The following GTF2F2 variants were observed in gnomAD, a reference collection of about 807,000 sequenced individuals.
GTF2F2 encodes ATP-dependent helicase GTF2F2.
In GTF2F2, 23 loss-of-function variants were observed where a neutral mutation model predicts 42.2. The ratio of observed to expected loss-of-function variants is 0.55; its 90% CI spans 0.39 to 0.77. The LOEUF (loss-of-function observed/expected upper bound fraction) is 0.77. Among genes scored for constraint, GTF2F2 ranks in the 30% least tolerant of loss-of-function variants. The pLI is 0.00. For missense variants in GTF2F2, 261 were observed against 287.2 expected (o/e 0.91, Z 0.66); for synonymous variants, 105 against 100.8 (o/e 1.04, Z -0.25).
chr13:45,127,032 A>G (rs1869043840), intron 1 of GTF2F2, among the ~76,000 whole-genome samples: 1 of 152,174 alleles, frequency 6.6e-6, no homozygotes, highest in African/African-American at 2.4e-5. Context: ...GGAGCCTTGA[A>G]ACCATATATA....
chr13:45,153,735 T>G (rs1870613925), intron 4 of GTF2F2, among the ~76,000 whole-genome samples: 1 of 151,990 alleles, frequency 6.6e-6, no homozygotes, highest in African/African-American at 2.4e-5. Context: ...CCCAGCACTT[T>G]GGGAGGCCAA....
At chr13:45,254,065 G>A (rs1875988695) in intron 6 of GTF2F2, among the ~76,000 whole-genome samples, 4 of 136,870 alleles carry the variant, frequency 2.9e-5, no homozygotes, top group Admixed American at 2.3e-4. Flanking sequence ...GCGAGACTCC[G>A]TCTCAAAAAA....
chr13:45,270,145 A>G (rs199504100), intron 7 of GTF2F2, among the ~76,000 whole-genome samples: 1 of 152,112 alleles, frequency 6.6e-6, no homozygotes, highest in Admixed American at 6.6e-5. Flanking sequence ...CTTCATTTCT[A>G]TAAGTAAAAT....
intron 1 of GTF2F2, among the ~76,000 whole-genome samples, chr13:45,125,865 A>G (rs935879187): frequency 6.6e-6 from 1 of 152,208 alleles, no homozygotes; most frequent in African/African-American, 2.4e-5. Context: ...AAGATTGGGT[A>G]GAGCATGTAA....
At chr13:45,203,482 C>G (rs1873296262) in intron 4 of GTF2F2, among the ~76,000 whole-genome samples, 1 of 152,144 alleles carries the variant, frequency 6.6e-6, no homozygotes, top group Admixed American at 6.5e-5. Context: ...TTCTAGACTC[C>G]TGTGCTTCCC....
At chr13:45,212,892 C>T (rs924166831) in intron 5 of GTF2F2, among the ~76,000 whole-genome samples, 1 of 151,976 alleles carries the variant, frequency 6.6e-6, no homozygotes, top group Non-Finnish European at 1.5e-5. Flanking sequence ...CAGGCATGTG[C>T]CACCACGCCT....
intron 1 of GTF2F2, 60 bp from the exon 2 acceptor site, chr13:45,136,673 T>G: frequency 1.1e-6 from 1 of 881,270 alleles, no homozygotes. Flanking sequence ...ATATATCATT[T>G]TATGTTTGAA....
chr13:45,175,497 G>A (rs1456157585), intron 4 of GTF2F2, among the ~76,000 whole-genome samples: 1 of 152,026 alleles, frequency 6.6e-6, no homozygotes, highest in Non-Finnish European at 1.5e-5. Context: ...CTGTTTTTTA[G>A]TGTTCTTTTT....
intron 7 of GTF2F2, among the ~76,000 whole-genome samples, chr13:45,273,655 A>ATTTTTTTTTTTTTTTTTTTTT (rs773254844): frequency 4.0e-5 from 5 of 123,862 alleles, no homozygotes; most frequent in Non-Finnish European, 4.9e-5. Flanking sequence ...GAGTGGTAAA[A>ATTTTTTTTTTTTTTTTTTTTT]TTTTTTTTTT....
At chr13:45,186,684 C>A (rs1052100629) in intron 4 of GTF2F2, among the ~76,000 whole-genome samples, 1 of 152,130 alleles carries the variant, frequency 6.6e-6, no homozygotes, top group Non-Finnish European at 1.5e-5. Flanking sequence ...TGGTCTAATT[C>A]TTTGTAAAAT....
At chr13:45,216,357 T>G (rs1010475656) in intron 5 of GTF2F2, among the ~76,000 whole-genome samples, 1 of 152,192 alleles carries the variant, frequency 6.6e-6, no homozygotes, top group African/African-American at 2.4e-5. Context: ...TAGCTAAGTG[T>G]TGTCTCACCC....
At chr13:45,172,237 G>T (rs1871633850) in intron 4 of GTF2F2, among the ~76,000 whole-genome samples, 1 of 152,130 alleles carries the variant, frequency 6.6e-6, no homozygotes, top group Non-Finnish European at 1.5e-5. Context: ...ATTTCATTGT[G>T]ATTTTCATTT....
At chr13:45,233,152 C>T (rs916831746) in intron 5 of GTF2F2, among the ~76,000 whole-genome samples, 1 of 152,200 alleles carries the variant, frequency 6.6e-6, no homozygotes, top group Admixed American at 6.5e-5. Flanking sequence ...CTGGGGATGC[C>T]GAGGCTTGAG....
At chr13:45,217,274 G>C (rs1270676519) in intron 5 of GTF2F2, among the ~76,000 whole-genome samples, 1 of 144,520 alleles carries the variant, frequency 6.9e-6, no homozygotes, top group Admixed American at 7.0e-5. Flanking sequence ...CTCCAGCCTA[G>C]GTGACAGAGC....
intron 5 of GTF2F2, among the ~76,000 whole-genome samples, chr13:45,223,896 G>A (rs1874221866): frequency 6.6e-6 from 1 of 152,124 alleles, no homozygotes; most frequent in Admixed American, 6.6e-5. Context: ...AATTCTAGAG[G>A]AGTAAGTTAT....
chr13:45,155,863 T>A (rs754244714), intron 4 of GTF2F2, among the ~76,000 whole-genome samples: 3 of 152,188 alleles, frequency 2.0e-5, no homozygotes, highest in Non-Finnish European at 4.4e-5. Flanking sequence ...CTGCCTTGGG[T>A]CTTCAGTTTA....
intron 5 of GTF2F2, among the ~76,000 whole-genome samples, chr13:45,236,408 C>T (rs1171736030): frequency 1.3e-5 from 2 of 151,906 alleles, no homozygotes; most frequent in African/African-American, 2.4e-5. Flanking sequence ...AGTGAAATCT[C>T]CTGAGTTGTG....
intron 2 of GTF2F2, among the ~76,000 whole-genome samples, chr13:45,149,450 A>G (rs1169373929): frequency 5.5e-5 from 8 of 146,234 alleles, no homozygotes; most frequent in Non-Finnish European, 9.0e-5. Flanking sequence ...AAAAAAAAAA[A>G]GGGAAAAAGA....
intron 4 of GTF2F2, among the ~76,000 whole-genome samples, chr13:45,171,040 C>T (rs947512785): frequency 4.0e-5 from 6 of 149,834 alleles, no homozygotes; most frequent in African/African-American, 1.2e-4. Flanking sequence ...GTGACATAGC[C>T]GTGAAAATGC....
Sources: allele counts gnomAD v4.1 joint callset (sites outside exome capture counted in the v4.1 genomes callset), GRCh38; gene constraint gnomAD v4.1.1; transcripts MANE v1.5; gene names NCBI Gene and HGNC (gene_info 2026-07-23, HGNC 2026-07-21).